MARCHF11: variants seen among roughly 807,000 people sequenced by gnomAD.
MARCHF11 encodes membrane associated ring-CH-type finger 11, also known as E3 ubiquitin-protein ligase MARCHF11.
Under a neutral mutation model 37.3 loss-of-function variants are expected in MARCHF11, and 29 were observed. That is an observed-to-expected ratio of 0.78 (90% CI 0.58 to 1.06). The LOEUF (loss-of-function observed/expected upper bound fraction) is 1.06, where lower values mean the gene tolerates loss of function less well. MARCHF11 is among the 50% of genes least tolerant of loss of function. The pLI, the probability that MARCHF11 is intolerant of heterozygous loss-of-function variation, is 0.00. For synonymous variants in MARCHF11, 233 were observed against 228.0 expected (o/e 1.02, Z -0.20); for missense variants, 482 against 533.4 (o/e 0.90, Z 0.95).
intron 2 of MARCHF11, among the ~76,000 whole-genome samples, chr5:16,119,988 A>G (rs1737286860): frequency 6.6e-6 from 1 of 152,052 alleles, no homozygotes; most frequent in Non-Finnish European, 1.5e-5. Context: ...ACTCAAGGAC[A>G]CTCCCATCCC....
chr5:16,097,851 C>A (rs955996872), intron 2 of MARCHF11, among the ~76,000 whole-genome samples: 1 of 152,108 alleles, frequency 6.6e-6, no homozygotes, highest in Non-Finnish European at 1.5e-5. Flanking sequence ...GGCCACACAA[C>A]GCTGATACCA....
chr5:16,134,886 A>G (rs1737581066), intron 2 of MARCHF11, among the ~76,000 whole-genome samples: 1 of 152,136 alleles, frequency 6.6e-6, no homozygotes. Flanking sequence ...GTACAATTCA[A>G]TAAAATTATA....
chr5:16,094,574 G>C (rs1421278218), intron 2 of MARCHF11, among the ~76,000 whole-genome samples: 2 of 151,782 alleles, frequency 1.3e-5, no homozygotes, highest in African/African-American at 4.8e-5. Flanking sequence ...TCCCACATTT[G>C]GAAAGAAAAG....
chr5:16,103,223 G>T (rs767800557), intron 2 of MARCHF11, among the ~76,000 whole-genome samples: 1 of 152,150 alleles, frequency 6.6e-6, no homozygotes, highest in Admixed American at 6.5e-5. Flanking sequence ...TGCATCTGCT[G>T]TGGTCATCAA....
At chr5:16,068,565 C>A (rs993281984) in intron 3 of MARCHF11, among the ~76,000 whole-genome samples, 2 of 152,154 alleles carry the variant, frequency 1.3e-5, no homozygotes, top group Admixed American at 1.3e-4. Flanking sequence ...TGAATCAGAT[C>A]TTTCCACGTT....
At chr5:16,075,798 T>C (rs1324140072) in intron 3 of MARCHF11, among the ~76,000 whole-genome samples, 1 of 152,162 alleles carries the variant, frequency 6.6e-6, no homozygotes, top group African/African-American at 2.4e-5. Context: ...CTGGGGCCCA[T>C]AGTTCACGAG....
chr5:16,079,516 C>A (rs578159138), intron 3 of MARCHF11, among the ~76,000 whole-genome samples: 140 of 152,326 alleles, frequency 9.2e-4, no homozygotes, highest in African/African-American at 3.3e-3. Flanking sequence ...CCCAGTCTCA[C>A]CACTTCACCT....
At chr5:16,094,702 A>C (rs1736838566) in intron 2 of MARCHF11, among the ~76,000 whole-genome samples, 1 of 152,192 alleles carries the variant, frequency 6.6e-6, no homozygotes, top group Non-Finnish European at 1.5e-5. Context: ...TCTACAAAAT[A>C]AACAATTTCA....
At chr5:16,087,280 C>T (rs1210060750) in intron 3 of MARCHF11, among the ~76,000 whole-genome samples, 2 of 152,206 alleles carry the variant, frequency 1.3e-5, no homozygotes, top group Admixed American at 6.5e-5. Context: ...ACATGTCTCT[C>T]CTTTATCACT....
At chr5:16,170,642 T>G (rs939625839) in intron 2 of MARCHF11, among the ~76,000 whole-genome samples, 1 of 152,156 alleles carries the variant, frequency 6.6e-6, no homozygotes, top group African/African-American at 2.4e-5. Context: ...CACTCAGGTA[T>G]GCATCTATTA....
At chr5:16,131,904 C>CAAT (rs1290434041) in intron 2 of MARCHF11, among the ~76,000 whole-genome samples, 1 of 152,182 alleles carries the variant, frequency 6.6e-6, no homozygotes, top group African/African-American at 2.4e-5. Flanking sequence ...AAGGGAGACA[C>CAAT]AATAATTAAG....
chr5:16,089,479 A>T (rs1200021854), intron 3 of MARCHF11, among the ~76,000 whole-genome samples: 1 of 152,098 alleles, frequency 6.6e-6, no homozygotes, highest in Non-Finnish European at 1.5e-5. Flanking sequence ...TTCCGGCAAC[A>T]TCTCTTCAGT....
chr5:16,130,229 A>T (rs1737492192), intron 2 of MARCHF11, among the ~76,000 whole-genome samples: 1 of 151,016 alleles, frequency 6.6e-6, no homozygotes, highest in Non-Finnish European at 1.5e-5. Context: ...TACTGATTAA[A>T]AGACCGTAAA....
chr5:16,172,800 GTTAA>G (rs376554432), intron 2 of MARCHF11, among the ~76,000 whole-genome samples: 5 of 152,274 alleles, frequency 3.3e-5, no homozygotes, highest in African/African-American at 1.2e-4. Context: ...TCCTCAGAAA[GTTAA>G]TTAAAGTTCT....
intron 2 of MARCHF11, among the ~76,000 whole-genome samples, chr5:16,121,734 C>T (rs1737312108): frequency 2.0e-5 from 3 of 152,150 alleles, no homozygotes; most frequent in African/African-American, 7.2e-5. Context: ...TGAACAGTCT[C>T]CATTCATAGA....
intron 3 of MARCHF11, among the ~76,000 whole-genome samples, chr5:16,083,397 T>C (rs1309298846): frequency 6.6e-6 from 1 of 152,216 alleles, no homozygotes; most frequent in African/African-American, 2.4e-5. Context: ...AACTACCTGA[T>C]AAATTTCATA....
intron 2 of MARCHF11, among the ~76,000 whole-genome samples, chr5:16,147,105 T>C (rs1737810889): frequency 6.6e-6 from 1 of 152,188 alleles, no homozygotes; most frequent in Non-Finnish European, 1.5e-5. Flanking sequence ...TTGCAGTAGA[T>C]GCCATCTTTG....
At chr5:16,165,597 C>A (rs1330444055) in intron 2 of MARCHF11, among the ~76,000 whole-genome samples, 1 of 151,974 alleles carries the variant, frequency 6.6e-6, no homozygotes, top group East Asian at 1.9e-4. Context: ...TGTAAATTGT[C>A]CCCAATTTGG....
intron 3 of MARCHF11, among the ~76,000 whole-genome samples, chr5:16,079,094 C>T (rs1465461344): frequency 2.0e-5 from 3 of 152,156 alleles, no homozygotes; most frequent in Non-Finnish European, 4.4e-5. Flanking sequence ...CCTGCTCCAT[C>T]CCCCTAGACC....
Sources: gnomAD v4.1 joint callset for allele counts (sites outside exome capture counted in the v4.1 genomes callset) on GRCh38, gnomAD v4.1.1 for gene constraint, MANE v1.5 for transcripts, NCBI Gene and HGNC (gene_info 2026-07-23, HGNC 2026-07-21) for gene names.